Variants in CNTN5 observed in about 807,000 individuals in gnomAD.
The protein encoded by CNTN5 is contactin-5.
A neutral mutation model predicts 129.1 loss-of-function variants in CNTN5; 77 were observed. The ratio of observed to expected loss-of-function variants is 0.60; its 90% CI spans 0.50 to 0.72. The LOEUF (loss-of-function observed/expected upper bound fraction) is 0.72, where lower values mean the gene tolerates loss of function less well. Ranked by LOEUF, CNTN5 falls within the 30% of genes least tolerant of loss-of-function variation. The pLI is 0.00. For synonymous variants in CNTN5, 509 were observed against 465.6 expected (o/e 1.09, Z -1.20); for missense variants, 1,478 against 1,328.8 (o/e 1.11, Z -1.75).
intron 7 of CNTN5, among the ~76,000 whole-genome samples, chr11:99,926,102 G>C (rs1950056124): frequency 6.6e-6 from 1 of 152,116 alleles, no homozygotes; most frequent in Non-Finnish European, 1.5e-5. Flanking sequence ...TAGCTCAATG[G>C]TTGGAGGACA....
chr11:99,231,070 T>C (rs1467219498), intron 1 of CNTN5, among the ~76,000 whole-genome samples: 1 of 152,204 alleles, frequency 6.6e-6, no homozygotes. Flanking sequence ...GCATTTGGGT[T>C]GATTCCATGT....
intron 1 of CNTN5, among the ~76,000 whole-genome samples, chr11:99,233,190 GA>G (rs1861091562): frequency 6.6e-6 from 1 of 152,102 alleles, no homozygotes; most frequent in Non-Finnish European, 1.5e-5. Context: ...CAGCTGAATT[GA>G]ATTATCCTAG....
At chr11:99,896,282 T>C (rs1297450010) in intron 6 of CNTN5, among the ~76,000 whole-genome samples, 1 of 152,040 alleles carries the variant, frequency 6.6e-6, no homozygotes, top group Non-Finnish European at 1.5e-5. Flanking sequence ...ACACACTTAC[T>C]CATCCCCTGG....
At chr11:99,918,376 T>G (rs984233722) in intron 7 of CNTN5, among the ~76,000 whole-genome samples, 2 of 152,096 alleles carry the variant, frequency 1.3e-5, no homozygotes, top group Non-Finnish European at 2.9e-5. Context: ...AAAAAACCAG[T>G]TATACAGACT....
intron 16 of CNTN5, among the ~76,000 whole-genome samples, chr11:100,238,971 T>C (rs918099271): frequency 1.4e-4 from 21 of 152,212 alleles, no homozygotes; most frequent in African/African-American, 3.9e-4. Context: ...ATGTCTCAGA[T>C]TGGCACGTTG....
intron 2 of CNTN5, among the ~76,000 whole-genome samples, chr11:99,506,855 T>C (rs967362582): frequency 3.9e-5 from 6 of 152,004 alleles, no homozygotes; most frequent in Non-Finnish European, 5.9e-5. Flanking sequence ...ATGCCCAAAA[T>C]GAAGTAATTG....
chr11:99,741,959 G>A (rs1011293572), intron 3 of CNTN5, among the ~76,000 whole-genome samples: 1 of 152,040 alleles, frequency 6.6e-6, no homozygotes, highest in African/African-American at 2.4e-5. Flanking sequence ...TTACTAACAA[G>A]AAGAAAAGTA....
chr11:99,879,414 G>A (rs1394614100), intron 6 of CNTN5, among the ~76,000 whole-genome samples: 5 of 151,990 alleles, frequency 3.3e-5, no homozygotes, highest in African/African-American at 7.2e-5. Flanking sequence ...ATATATCACC[G>A]GACCAGATAG....
At chr11:99,438,315 G>A (rs921383681) in intron 2 of CNTN5, among the ~76,000 whole-genome samples, 23 of 151,980 alleles carry the variant, frequency 1.5e-4, no homozygotes, top group Admixed American at 6.6e-5. Flanking sequence ...TCTACTATAA[G>A]GAACTATTCG....
chr11:99,124,751 A>G (rs571357362), intron 1 of CNTN5, among the ~76,000 whole-genome samples: 83 of 152,152 alleles, frequency 5.5e-4, no homozygotes, highest in African/African-American at 1.4e-3. Flanking sequence ...GGCATGTTCC[A>G]AATAAACACA....
chr11:99,021,002 T>C lies in CNTN5; in HGVS notation c.-478T>C, dbSNP rs1439143082. ...CTTCCCAATATAACCAACTACGGCG[T>C]GGGGGAGCGGAACTGCGAGAAGGCG... On this transcript the variant is annotated 5_prime_UTR_variant, in exon 1 of 25. Coordinates refer to ENST00000524871, the MANE Select transcript of CNTN5 (RefSeq NM_014361.4). 1 of 152,398 alleles carries C rather than the reference T, an allele frequency of 6.6e-6. No individual in the cohort carries two copies. Among genetic ancestry groups the C allele is most frequent in the Admixed American group, 6.5e-5 (1 of 15,270 alleles). 9.4% of individuals were successfully genotyped at this position (152,398 alleles called of 1,614,324 possible). A position where few individuals can be genotyped will look rare whatever the true frequency, so the allele number is the denominator to read the frequency against.
chr11:100,171,833 C>T (rs1176689254), intron 13 of CNTN5, among the ~76,000 whole-genome samples: 3 of 133,388 alleles, frequency 2.2e-5, no homozygotes, highest in Admixed American at 2.1e-4. Context: ...CCAAACTATT[C>T]GAAAAGCTAA....
At chr11:99,664,008 C>T (rs760465937) in intron 3 of CNTN5, among the ~76,000 whole-genome samples, 2 of 152,066 alleles carry the variant, frequency 1.3e-5, no homozygotes, top group African/African-American at 2.4e-5. Context: ...TCAGACTAGC[C>T]ACGTTTCAAA....
At chr11:99,242,868 C>T (rs989113339) in intron 1 of CNTN5, among the ~76,000 whole-genome samples, 2 of 152,088 alleles carry the variant, frequency 1.3e-5, no homozygotes, top group African/African-American at 4.8e-5. Context: ...ACCATGTTTT[C>T]TTTATCCAAC....
intron 3 of CNTN5, among the ~76,000 whole-genome samples, chr11:99,560,384 C>A (rs1018938385): frequency 6.6e-6 from 1 of 151,636 alleles, no homozygotes; most frequent in African/African-American, 2.4e-5. Context: ...TCTCTGCCTC[C>A]GGGTTCAAGA....
intron 1 of CNTN5, among the ~76,000 whole-genome samples, chr11:99,159,867 G>C (rs1158390902): frequency 6.6e-6 from 1 of 152,062 alleles, no homozygotes; most frequent in Non-Finnish European, 1.5e-5. Context: ...AATGATTAAT[G>C]TCCTGTTCTG....
intron 3 of CNTN5, among the ~76,000 whole-genome samples, chr11:99,583,325 G>T (rs940846917): frequency 2.0e-5 from 3 of 152,188 alleles, no homozygotes; most frequent in African/African-American, 7.2e-5. Context: ...GCTGTGTGCT[G>T]GGAGTACCAC....
intron 13 of CNTN5, among the ~76,000 whole-genome samples, chr11:100,104,525 C>T (rs944469170): frequency 6.6e-6 from 1 of 152,106 alleles, no homozygotes; most frequent in African/African-American, 2.4e-5. Flanking sequence ...CTTCTAGACA[C>T]TCTGCATATA....
intron 2 of CNTN5, among the ~76,000 whole-genome samples, chr11:99,353,396 A>G (rs553697306): frequency 1.3e-5 from 2 of 152,184 alleles, no homozygotes; most frequent in African/African-American, 2.4e-5. Flanking sequence ...GTCTTGATCC[A>G]GTTGAGTGTA....
Sources: allele counts gnomAD v4.1 joint callset (sites outside exome capture counted in the v4.1 genomes callset), GRCh38; gene constraint gnomAD v4.1.1; transcripts MANE v1.5; gene names NCBI Gene and HGNC (gene_info 2026-07-23, HGNC 2026-07-21).